DNAH11: variants seen among roughly 807,000 people sequenced by gnomAD.
The protein encoded by DNAH11 is axonemal beta dynein heavy chain 11.
In DNAH11, 442 loss-of-function variants were observed where a neutral mutation model predicts 526.0. The observed-to-expected ratio is 0.84, with a 90% CI of 0.78 to 0.91. The LOEUF (loss-of-function observed/expected upper bound fraction) is 0.91. Among genes scored for constraint, DNAH11 ranks in the 40% least tolerant of loss-of-function variants. The pLI, the probability that DNAH11 is intolerant of heterozygous loss-of-function variation, is 0.00. For missense variants in DNAH11, 6,989 were observed against 5,448.7 expected, an observed-to-expected ratio of 1.28 and a Z score of -8.90; for synonymous variants, 2,461 against 1,935.9, an observed-to-expected ratio of 1.27 and a Z score of -7.12.
Position 21,658,460 on chromosome 7 carries a change from G to T in DNAH11, c.5095-338G>T, listed in dbSNP as rs10480009. On this transcript the variant is annotated intron_variant, in intron 29 of 81. Coordinates refer to ENST00000409508, the MANE Select transcript of DNAH11 (RefSeq NM_001277115.2). ...CTTCTGAAAACACTGTGTGTTACCAGAGGGGAATCTTGGTCTAGAACCTCC... is the reference window on the plus strand; with the variant it reads ...CTTCTGAAAACACTGTGTGTTACCATAGGGGAATCTTGGTCTAGAACCTCC... 0.097 allele frequency among the ~76,000 whole-genome samples: 14,729 copies of T among 152,210 alleles called. 970 individuals carry two copies. Among genetic ancestry groups the T allele is most frequent in the African/African-American group, 0.19 (7,912 of 41,518 alleles).
rs1000525671 is a variant in DNAH11 at position 21,543,292 on chromosome 7, C to T, written c.47C>T (p.Ala16Val). 26 of 1,547,762 alleles carry T rather than the reference C, an allele frequency of 1.7e-5. No homozygotes were observed. Among genetic ancestry groups the T allele is most frequent in the Admixed American group, 1.4e-4 (7 of 50,932 alleles). Residue 16 changes from alanine (A) to valine (V), a missense_variant, in exon 1 of 82, where the codon GCC (alanine) becomes GTC (valine). Physicochemically the swap from Ala to Val is moderately conservative, Grantham distance 64. Coordinates refer to ENST00000409508, the MANE Select transcript of DNAH11 (RefSeq NM_001277115.2). ...CGGGAGGCGCGAGACTTCAGAGAAG[C>T]CCCGACCCTTCGCCTAACCTCGGGG... ...AAREARDFRE[A>V]PTLRLTSGAG... is the part of the protein sequence containing the mutation.
intron 25 of DNAH11, among the ~76,000 whole-genome samples, chr7:21,632,174 G>A (rs1260071877): frequency 6.6e-6 from 1 of 152,154 alleles, no homozygotes; most frequent in Non-Finnish European, 1.5e-5. Flanking sequence ...GGGATGCAGG[G>A]CACCAAGTCT....
At position 21,601,535 on chromosome 7, in the gene DNAH11, C is replaced by A. The variant is rs1386436971; in HGVS notation, c.3565C>A (p.Leu1189Ile). 1 of 1,613,320 alleles carries A rather than the reference C, an allele frequency of 6.2e-7. No individual in the cohort carries two copies. Among genetic ancestry groups the A allele is most frequent in the East Asian group, 2.2e-5 (1 of 44,860 alleles). ...VRSRQRATDE[L>I]FEPLKETITL... ...AAGCCGACAGAGAGCTACTGATGAACTCTTTGAACCTCTAAAAGAAACGAT... is the reference window on the plus strand; with the variant it reads ...AAGCCGACAGAGAGCTACTGATGAAATCTTTGAACCTCTAAAAGAAACGAT... Residue 1189 changes from leucine (L) to isoleucine (I), a missense_variant, in exon 18 of 82, where the codon CTC (leucine) becomes ATC (isoleucine). Coordinates refer to ENST00000409508, the MANE Select transcript of DNAH11 (RefSeq NM_001277115.2).
chr7:21,709,239 G>A (rs1017242913), intron 40 of DNAH11, among the ~76,000 whole-genome samples: 4 of 152,156 alleles, frequency 2.6e-5, no homozygotes, highest in Admixed American at 2.6e-4. Context: ...ATACTATGTA[G>A]CCATAAAAAA....
At chr7:21,576,162 CA>C (rs1330868471) in intron 8 of DNAH11, among the ~76,000 whole-genome samples, 19 of 152,224 alleles carry the variant, frequency 1.2e-4, no homozygotes, top group African/African-American at 4.3e-4. Flanking sequence ...GAGGCTCCAC[CA>C]TGGTATTATC....
At chr7:21,666,663 A>G (rs1392467354) in intron 30 of DNAH11, among the ~76,000 whole-genome samples, 1 of 152,106 alleles carries the variant, frequency 6.6e-6, no homozygotes, top group East Asian at 1.9e-4. Context: ...TTTGGATACA[A>G]TATTGGTAGC....
intron 25 of DNAH11, among the ~76,000 whole-genome samples, chr7:21,627,738 T>C (rs1173402648): frequency 1.3e-5 from 2 of 152,202 alleles, no homozygotes; most frequent in African/African-American, 4.8e-5. Flanking sequence ...TTCTTTTTGC[T>C]CAGGATTGCT....
chr7:21,864,386 C>T, intron 69 of DNAH11, 149 bp from the exon 70 acceptor site: 1 of 552,884 alleles, frequency 1.8e-6, no homozygotes, highest in African/African-American at 1.9e-5. Context: ...CTAAGATTCC[C>T]TATTTCAACA....
At chr7:21,614,933 T>A (rs1785694338) in intron 20 of DNAH11, among the ~76,000 whole-genome samples, 181 bp from the exon 21 acceptor site, 1 of 152,226 alleles carries the variant, frequency 6.6e-6, no homozygotes, top group Non-Finnish European at 1.5e-5. Context: ...TGTTCTCACT[T>A]TTTGTGCAGC....
chr7:21,835,237 A>C (rs1766351993), intron 65 of DNAH11, among the ~76,000 whole-genome samples: 1 of 147,308 alleles, frequency 6.8e-6, no homozygotes. Context: ...AAAAAAAAAA[A>C]AAAACAGAGG....
rs1327132628 is a variant in DNAH11 at position 21,789,304 on chromosome 7, G to A, written c.9988G>A (p.Ala3330Thr). Residue 3330 changes from alanine (A) to threonine (T), a missense_variant, in exon 61 of 82, where the codon GCT becomes ACT. Coordinates refer to ENST00000409508, the MANE Select transcript of DNAH11 (RefSeq NM_001277115.2). ...CCAAGCAAACTTAGAACTGGCTGCAGCTACTGAAAAACTAGAGGCTATCAG... is the reference window on the plus strand; with the variant it reads ...CCAAGCAAACTTAGAACTGGCTGCAACTACTGAAAAACTAGAGGCTATCAG... ...LAQANLELAA[A>T]TEKLEAIRKK... 1.9e-6 allele frequency: 3 copies of A among 1,576,670 alleles called. No homozygotes were observed. Among genetic ancestry groups the A allele is most frequent in the Middle Eastern group, 1.7e-4 (1 of 6,022 alleles).
At chr7:21,719,731 C>A (rs746636189) in intron 43 of DNAH11, among the ~76,000 whole-genome samples, 15 of 152,042 alleles carry the variant, frequency 9.9e-5, no homozygotes, top group Non-Finnish European at 1.5e-4. Context: ...AAAGTATTTC[C>A]CCATCTTCTG....
intron 63 of DNAH11, among the ~76,000 whole-genome samples, chr7:21,811,637 A>G (rs538273495): frequency 3.1e-4 from 47 of 152,180 alleles, no homozygotes; most frequent in Non-Finnish European, 5.9e-4. Context: ...TTCTGGAGCT[A>G]GATAATGATG....
chr7:21,573,426 T>G (rs534686009), intron 8 of DNAH11, among the ~76,000 whole-genome samples: 1 of 152,322 alleles, frequency 6.6e-6, no homozygotes, highest in South Asian at 2.1e-4. Flanking sequence ...CTCCTTGACT[T>G]TGGTCATTCC....
rs149634292 is a variant in DNAH11 at position 21,899,321 on chromosome 7, C to T, written c.13050-15C>T. On this transcript the variant is annotated splice_polypyrimidine_tract_variant and intron_variant, in intron 79 of 81. Coordinates refer to ENST00000409508, the MANE Select transcript of DNAH11 (RefSeq NM_001277115.2). Reference sequence around the variant, plus strand: ...ACTGAACAGCAAGTTTTTCTTCCTCCCTCCCATAAACCAGGTTCAATGACC... The same window carrying T: ...ACTGAACAGCAAGTTTTTCTTCCTCTCTCCCATAAACCAGGTTCAATGACC... 6.9e-4 allele frequency: 1,107 copies of T among 1,607,266 alleles called. 7 individuals are homozygous for T. The African/African-American group carries it at 0.013, about 18-fold the overall frequency.
chr7:21,787,677 T>A (rs1029330798), intron 60 of DNAH11, 94 bp downstream of exon 60: 7 of 1,155,188 alleles, frequency 6.1e-6, no homozygotes, highest in Admixed American at 6.1e-5. Flanking sequence ...AAATTTGTTA[T>A]TTCATTTTCT....
chr7:21,618,898 G>A (rs1785907669), intron 23 of DNAH11, among the ~76,000 whole-genome samples: 1 of 152,166 alleles, frequency 6.6e-6, no homozygotes, highest in Admixed American at 6.5e-5. Context: ...CTAAACTGTG[G>A]CCCTTGCTTC....
In DNAH11 at chr7:21,715,524, A is replaced by T. The variant is rs148991199; in HGVS notation, c.6984-2251A>T. 3.7e-4 allele frequency among the ~76,000 whole-genome samples: 56 copies of T among 152,300 alleles called. No homozygotes were observed. The East Asian group carries it at 0.01, about 28-fold the overall frequency. On this transcript the variant is annotated intron_variant, in intron 42 of 81. Coordinates refer to ENST00000409508, the MANE Select transcript of DNAH11 (RefSeq NM_001277115.2). ...TCTTTTCTGTGGGCAAGGAAAGAAT[A>T]TGCCATTTTAGTATGCCATTTTCAA...
At chr7:21,828,760 GT>G (rs370526200) in intron 65 of DNAH11, among the ~76,000 whole-genome samples, 1,507 of 131,672 alleles carry the variant, frequency 0.011, 14 homozygotes, top group African/African-American at 0.031. Context: ...ATTTTTCTGG[GT>G]TTTTTTTTTT....
Sources: gnomAD v4.1 joint callset for allele counts (sites outside exome capture counted in the v4.1 genomes callset) on GRCh38, gnomAD v4.1.1 for gene constraint, MANE v1.5 for transcripts, NCBI Gene and HGNC (gene_info 2026-07-23, HGNC 2026-07-21) for gene names.